The following BTD variants were observed in gnomAD, a reference collection of about 807,000 sequenced individuals.
BTD encodes biotinidase, also known as biocytinase.
In BTD, 13 loss-of-function variants were observed where a neutral mutation model predicts 17.7. The ratio of observed to expected loss-of-function variants is 0.74; its 90% CI spans 0.48 to 1.17. BTD has a LOEUF of 1.17. Ranked by LOEUF, BTD falls within the 50% of genes most tolerant of loss-of-function variation. The pLI is 0.00. For synonymous variants in BTD, 240 were observed against 245.2 expected (o/e 0.98, Z 0.20); for missense variants, 674 against 650.4 (o/e 1.04, Z -0.39).
At chr3:15,669,111 A>G (rs2066136994) in intron 3 of BTD, 2 of 152,272 alleles carry the variant, frequency 1.3e-5, no homozygotes. Context: ...TACTTTAAAT[A>G]TGAATAGGAC....
chr3:15,635,297 C>A lies in BTD; in HGVS notation c.-16-127C>A. Reference sequence around the variant, plus strand: ...TCTTTTATTAGGAACATGAAACAAACTCTTTGAGCCGCAGTATCACTGCGA... The same window carrying A: ...TCTTTTATTAGGAACATGAAACAAAATCTTTGAGCCGCAGTATCACTGCGA... On this transcript the variant is annotated intron_variant, in intron 1 of 3. Transcript: ENST00000643237. The surrounding 1 kb of genome is among the most constrained non-coding windows in gnomAD (Gnocchi z 4.1). The A allele has an allele frequency of 7.1e-7, 1 of 1,418,204 alleles. No homozygotes were observed. The highest frequency in any genetic ancestry group is 9.9e-7 in the Non-Finnish European group (1 of 1,014,136). 87.9% of individuals were successfully genotyped at this position (1,418,204 alleles called of 1,614,324 possible).
At chr3:15,667,346 A>G (rs1352075813) in intron 3 of BTD, 1 of 152,250 alleles carries the variant, frequency 6.6e-6, no homozygotes, top group Non-Finnish European at 1.5e-5. Context: ...GCATTGTTTG[A>G]GATGAGTGTC....
chr3:15,716,788 C>T (rs576557317), downstream of BTD, among the ~76,000 whole-genome samples: 1 of 152,276 alleles, frequency 6.6e-6, no homozygotes, highest in South Asian at 2.1e-4. Flanking sequence ...TAGCACGTTT[C>T]ACGCACAGTT....
At chr3:15,616,704 G>T (rs571167006) in intron 1 of BTD, among the ~76,000 whole-genome samples, 2 of 152,204 alleles carry the variant, frequency 1.3e-5, no homozygotes, top group Middle Eastern at 3.4e-3. Context: ...TCTAATAGGT[G>T]CATAGTGGTA....
Position 15,679,848 on chromosome 3 carries a change from GA to G in BTD, c.400-30202del, listed in dbSNP as rs140178270. 5.0e-3 allele frequency among the ~76,000 whole-genome samples: 728 copies of G among 144,244 alleles called. 1 individual carries two copies. The highest frequency in any genetic ancestry group is 9.0e-3 in the South Asian group (41 of 4,560). The allele number at this position is 144,244 out of a possible 152,430, so 94.6% of individuals were successfully genotyped here. ...AACCCCAAATTAAAAATATTTGGGG[GA>G]AAAAAAAAACAGAGCAGACTTTTTT... On this transcript the variant is annotated intron_variant, in intron 3 of 3. Coordinates refer to the BTD transcript ENST00000672141.
intron 2 of BTD, among the ~76,000 whole-genome samples, chr3:15,641,429 C>T (rs530349042): frequency 1.4e-4 from 21 of 152,302 alleles, no homozygotes; most frequent in South Asian, 1.0e-3. Flanking sequence ...GTGGTCCCGG[C>T]ATCAGTGGTT....
chr3:15,630,918 G>A (rs111955505), intron 1 of BTD, among the ~76,000 whole-genome samples: 239 of 152,148 alleles, frequency 1.6e-3, no homozygotes, highest in African/African-American at 5.2e-3. Flanking sequence ...GGCCGGTCAC[G>A]GACAAGCTCA....
intron 1 of BTD, among the ~76,000 whole-genome samples, chr3:15,615,241 G>A (rs1347241571): frequency 6.6e-6 from 1 of 152,160 alleles, no homozygotes; most frequent in African/African-American, 2.4e-5. Context: ...TGTATGTTGT[G>A]AGTTTTTGAA....
At chr3:15,692,421 G>C (rs983695955) in intron 3 of BTD, among the ~76,000 whole-genome samples, 1 of 152,184 alleles carries the variant, frequency 6.6e-6, no homozygotes, top group Non-Finnish European at 1.5e-5. Flanking sequence ...CTACACTCCA[G>C]CCTGGATGAC....
chr3:15,684,019 T>C (rs904427000), intron 3 of BTD: 1 of 152,056 alleles, frequency 6.6e-6, no homozygotes, highest in African/African-American at 2.4e-5. Context: ...AACTACAGCT[T>C]TGTAGATCTG....
At chr3:15,706,879 A>T (rs1330315480) in intron 3 of BTD, among the ~76,000 whole-genome samples, 1 of 152,118 alleles carries the variant, frequency 6.6e-6, no homozygotes, top group Non-Finnish European at 1.5e-5. Context: ...TTGGCTGCAT[A>T]AATGTCTTCT....
At chr3:15,704,789 G>T (rs1382230109) in intron 3 of BTD, among the ~76,000 whole-genome samples, 1 of 152,036 alleles carries the variant, frequency 6.6e-6, no homozygotes, top group Admixed American at 6.6e-5. Flanking sequence ...GATGCCTCTG[G>T]TATCCCAGAA....
At chr3:15,663,856 G>T (rs1235653991) in intron 3 of BTD, among the ~76,000 whole-genome samples, 2 of 151,936 alleles carry the variant, frequency 1.3e-5, no homozygotes, top group African/African-American at 4.8e-5. Context: ...GATTTATTTT[G>T]CTTTTCTTTC....
downstream of BTD, among the ~76,000 whole-genome samples, chr3:15,713,000 C>A (rs1052377044): frequency 1.3e-5 from 2 of 152,162 alleles, no homozygotes; most frequent in Middle Eastern, 3.4e-3. Flanking sequence ...TCTTGCAGAG[C>A]ATTAGCAGGA....
chr3:15,640,540 G>A (rs1287529525), intron 2 of BTD, among the ~76,000 whole-genome samples: 1 of 151,932 alleles, frequency 6.6e-6, no homozygotes, highest in African/African-American at 2.4e-5. Context: ...GCAGGTGCCC[G>A]CTACCATGCC....
chr3:15,718,052 C>T (rs2073278016), intron 4 of BTD, among the ~76,000 whole-genome samples: 1 of 151,916 alleles, frequency 6.6e-6, no homozygotes, highest in Non-Finnish European at 1.5e-5. Flanking sequence ...TAAAGTGTCC[C>T]CATAGTCAAT....
At chr3:15,639,396 T>C (rs1211139243) in intron 2 of BTD, among the ~76,000 whole-genome samples, 2 of 152,170 alleles carry the variant, frequency 1.3e-5, no homozygotes, top group African/African-American at 4.8e-5. Flanking sequence ...TTTTATTTAA[T>C]TCATTAATTA....
At chr3:15,602,125 G>T in intron 1 of BTD, 2 of 1,428,510 alleles carry the variant, frequency 1.4e-6, no homozygotes, top group Non-Finnish European at 1.8e-6. Flanking sequence ...TCATAACCTT[G>T]TGGTTTTATA....
At chr3:15,623,342 T>G (rs1170514142) in intron 1 of BTD, among the ~76,000 whole-genome samples, 2 of 152,264 alleles carry the variant, frequency 1.3e-5, no homozygotes, top group African/African-American at 4.8e-5. Flanking sequence ...TCATGTTTTT[T>G]ATCTACTGTA....
Sources: gnomAD v4.1 joint callset for allele counts (sites outside exome capture counted in the v4.1 genomes callset) on GRCh38, gnomAD v4.1.1 for gene constraint, Gnocchi (gnomAD v3.1) non-coding constraint, MANE v1.5 for transcripts, NCBI Gene and HGNC (gene_info 2026-07-23, HGNC 2026-07-21) for gene names.